PLXND1: variants seen among roughly 807,000 people sequenced by gnomAD.
PLXND1 encodes plexin D1, also known as plexin-D1.
PLXND1 carries 54 observed loss-of-function variants against 197.7 expected under a neutral mutation model. That is an observed-to-expected ratio of 0.27 (90% CI 0.22 to 0.34). The LOEUF is 0.34. Ranked by LOEUF, PLXND1 falls within the 10% of genes least tolerant of loss-of-function variation. PLXND1 has a pLI of 1.00. For synonymous variants in PLXND1, 1,180 were observed against 1,161.2 expected, an observed-to-expected ratio of 1.02 and a Z score of -0.33; for missense variants, 2,127 against 2,699.2, an observed-to-expected ratio of 0.79 and a Z score of 4.70.
chr3:129,578,680 G>A (rs2085347715), intron 8 of PLXND1: 4 of 497,024 alleles, frequency 8.0e-6, no homozygotes, highest in Non-Finnish European at 1.1e-5. Flanking sequence ...GGCATAACCC[G>A]CCCAGTGGTG....
At position 129,557,031 on chromosome 3, in the gene PLXND1, C is replaced by T. The variant is rs2084984567; in HGVS notation, c.5586+52G>A. 1 of 1,599,822 alleles carries T rather than the reference C, an allele frequency of 6.3e-7. No individual in the cohort carries two copies. Among genetic ancestry groups the T allele is most frequent in the East Asian group, 2.2e-5 (1 of 44,828 alleles). On this transcript the variant is annotated intron_variant, in intron 34 of 35. Coordinates refer to ENST00000324093, the MANE Select transcript of PLXND1 (RefSeq NM_015103.3). This position sits in a 1 kb window ranked among gnomAD's most constrained non-coding sequence, Gnocchi z 4.8. ...AGGCATTGAGGCCCAGCCCCCGACC[C>T]CCGATCCCTCAGCTCTTCAGGCCCC...
chr3:129,592,829 G>T (rs983206510), intron 1 of PLXND1, among the ~76,000 whole-genome samples: 1 of 152,216 alleles, frequency 6.6e-6, no homozygotes, highest in African/African-American at 2.4e-5. Context: ...AAGGCAAACC[G>T]GCTCAAACAC....
chr3:129,558,322 A>T lies in PLXND1; in HGVS notation c.5445+106T>A. ...CCTGAGATCTTTTGGTTCCCCTCCC[A>T]GGAAGATCTCTGAGCTCAGCCTCAG... is the stretch of plus-strand genomic sequence containing the variant. On this transcript the variant is annotated intron_variant, in intron 33 of 35. Coordinates refer to ENST00000324093, the MANE Select transcript of PLXND1 (RefSeq NM_015103.3). The surrounding 1 kb of genome is among the most constrained non-coding windows in gnomAD (Gnocchi z 4.1). The T allele has an allele frequency of 8.9e-7, 1 of 1,123,768 alleles. No individual in the cohort carries two copies. Among genetic ancestry groups the T allele is most frequent in the Non-Finnish European group, 1.3e-6 (1 of 785,446 alleles). The allele number at this position is 1,123,768 out of a possible 1,614,324, so 69.6% of individuals were successfully genotyped here. A position where few individuals can be genotyped will look rare whatever the true frequency, so the allele number is the denominator to read the frequency against.
chr3:129,594,093 T>C (rs2085585323), intron 1 of PLXND1, among the ~76,000 whole-genome samples: 1 of 152,238 alleles, frequency 6.6e-6, no homozygotes, highest in African/African-American at 2.4e-5. Context: ...ATGAAAAGGA[T>C]GCGGCATTAA....
chr3:129,597,214 C>T (rs1050700878), intron 1 of PLXND1, among the ~76,000 whole-genome samples: 3 of 152,100 alleles, frequency 2.0e-5, no homozygotes, highest in Non-Finnish European at 4.4e-5. Flanking sequence ...CGCAGGCCTG[C>T]GGGCTCCAGA....
At chr3:129,589,310 T>TGCCCACCC in intron 2 of PLXND1, 41 bp downstream of exon 2, 1 of 501,294 alleles carries the variant, frequency 2.0e-6, no homozygotes, top group Non-Finnish European at 3.8e-6. Context: ...CAGGGGAGCC[T>TGCCCACCC]CCCACCCCCA....
Position 129,561,947 on chromosome 3 carries a change from G to A in PLXND1, c.4826-44C>T, listed in dbSNP as rs761351683. The A allele has an allele frequency of 2.9e-6, 4 of 1,366,034 alleles. No individual in the cohort carries two copies. In the African/African-American group the frequency reaches 5.7e-5, roughly 19 times the overall value. 84.6% of individuals were successfully genotyped at this position (1,366,034 alleles called of 1,614,324 possible). A position where few individuals can be genotyped will look rare whatever the true frequency, so the allele number is the denominator to read the frequency against. On this transcript the variant is annotated intron_variant, in intron 27 of 35. Coordinates refer to ENST00000324093, the MANE Select transcript of PLXND1 (RefSeq NM_015103.3). ...GCCATCAGGGTCCGGGCAGGGAGCT[G>A]GGCCTGAGGGGTAGGTACCGGCCCA... is the stretch of plus-strand genomic sequence containing the variant.
At chr3:129,595,921 G>GTGCACACACACACA (rs1553793029) in intron 1 of PLXND1, among the ~76,000 whole-genome samples, 1 of 146,410 alleles carries the variant, frequency 6.8e-6, no homozygotes, top group Non-Finnish European at 1.5e-5. Context: ...GTGCACGCAC[G>GTGCACACACACACA]CACACACACA....
At chr3:129,560,640 C>T in intron 30 of PLXND1, 49 bp downstream of exon 30, 1 of 1,422,024 alleles carries the variant, frequency 7.0e-7, no homozygotes, top group Non-Finnish European at 9.9e-7. Flanking sequence ...AAGCCAAGGC[C>T]ACACCCACTG....
At chr3:129,569,733 C>T (rs2085195226) in intron 20 of PLXND1, 110 bp downstream of exon 20, 1 of 683,064 alleles carries the variant, frequency 1.5e-6, no homozygotes, top group Admixed American at 2.1e-5. Context: ...AGCCTTTGTT[C>T]AAGCTGTGCC....
In PLXND1 at chr3:129,577,373, C is replaced by G. The variant is rs950168304; in HGVS notation, c.2346+956G>C. Reference sequence around the variant, plus strand: ...CAGGCTCACACCTCCCCATCCCAGGCGCCCACGGCCCAGGGGCAGAGCCAT... The same window carrying G: ...CAGGCTCACACCTCCCCATCCCAGGGGCCCACGGCCCAGGGGCAGAGCCAT... On this transcript the variant is annotated intron_variant, in intron 9 of 35. Coordinates refer to ENST00000324093, the MANE Select transcript of PLXND1 (RefSeq NM_015103.3). This position sits in a 1 kb window ranked among gnomAD's most constrained non-coding sequence, Gnocchi z 5.0. Among the ~76,000 whole-genome samples the G allele has an allele frequency of 6.6e-6, 1 of 152,182 alleles. No individual in the cohort carries two copies. The highest frequency in any genetic ancestry group is 1.5e-5 in the Non-Finnish European group (1 of 68,018).
rs758430943 is a variant in PLXND1, at chr3:129,571,691, G to T, written c.3231C>A (p.Arg1077=). ...QNPVITAISP[R]RSPVSGGRTI... ...GCCAGTCTCACCTGACAGGGCTGCG[G>T]CGGGGACTGATGGCCGTGATGACCG... Residue 1077 remains arginine, a synonymous_variant, in exon 16 of 36, where the codon CGC becomes CGA. Coordinates refer to ENST00000324093, the MANE Select transcript of PLXND1 (RefSeq NM_015103.3). The T allele has an allele frequency of 1.2e-6, 2 of 1,613,966 alleles. No homozygotes were observed. The highest frequency in any genetic ancestry group is 1.7e-6 in the Non-Finnish European group (2 of 1,179,990).
rs777270704 is a variant in PLXND1 at position 129,585,922 on chromosome 3, G to T, written c.1851+30C>A. The T allele has an allele frequency of 3.7e-6, 6 of 1,613,106 alleles. No individual in the cohort carries two copies. In the East Asian group the frequency reaches 1.1e-4, roughly 30 times the overall value. On this transcript the variant is annotated intron_variant, in intron 5 of 35. Coordinates refer to ENST00000324093, the MANE Select transcript of PLXND1 (RefSeq NM_015103.3). ...GTGAAGGGAGGCTCCCCTGTGTCCC[G>T]AGCTGGGTCTTGCCTCCCCCAGGAC...
intron 1 of PLXND1, 55 bp downstream of exon 1, chr3:129,605,274 C>A (rs2085767470): frequency 1.6e-6 from 1 of 630,644 alleles, no homozygotes; most frequent in Middle Eastern, 5.0e-4. Context: ...CGCCCGCCCC[C>A]GCCCCCGCCC....
intron 8 of PLXND1, among the ~76,000 whole-genome samples, chr3:129,580,490 G>A (rs1367210912): frequency 4.6e-5 from 7 of 152,126 alleles, no homozygotes; most frequent in Admixed American, 3.3e-4. Flanking sequence ...CGGCTGGCTG[G>A]GGCCCAGCCT....
At chr3:129,573,571 G>C (rs771364010) in intron 13 of PLXND1, 23 bp downstream of exon 13, 1 of 1,606,572 alleles carries the variant, frequency 6.2e-7, no homozygotes, top group South Asian at 1.1e-5. Context: ...GAGAAGGTAG[G>C]TGGGGGCACC....
rs1389101617 is a variant in PLXND1, at chr3:129,565,449, A to G, written c.4412T>C (p.Ile1471Thr). 7 of 1,613,932 alleles carry G rather than the reference A, an allele frequency of 4.3e-6. No homozygotes were observed. Among genetic ancestry groups the G allele is most frequent in the South Asian group, 2.2e-5 (2 of 91,082 alleles). The part of the protein sequence containing the change: ...SIMKELLVDL[I>T]DASAAKNPKL... ...GGGGTTCTTGGCGGCCGAGGCGTCAATGAGGTCCACCAGCAGCTCCTTCAT... is the reference window on the plus strand; with the variant it reads ...GGGGTTCTTGGCGGCCGAGGCGTCAGTGAGGTCCACCAGCAGCTCCTTCAT... Residue 1471 changes from isoleucine (I) to threonine (T), a missense_variant, in exon 25 of 36, where the codon ATT (isoleucine) becomes ACT (threonine). This residue lies in a region of PLXND1 where 532 missense variants were observed against 811.0 expected (regional missense o/e 0.66). Coordinates refer to ENST00000324093, the MANE Select transcript of PLXND1 (RefSeq NM_015103.3).
chr3:129,605,280 CG>C, intron 1 of PLXND1, 48 bp downstream of exon 1: 1 of 771,518 alleles, frequency 1.3e-6, no homozygotes, highest in Non-Finnish European at 1.8e-6. Context: ...CCCCCGCCCC[CG>C]CCCCCGCCGC....
Position 129,556,709 on chromosome 3 carries a change from G to A in PLXND1, c.5587-18C>T. 1.3e-6 allele frequency: 2 copies of A among 1,547,074 alleles called. No individual in the cohort carries two copies. Among genetic ancestry groups the A allele is most frequent in the South Asian group, 2.2e-5 (2 of 89,334 alleles). On this transcript the variant is annotated intron_variant, in intron 34 of 35. Coordinates refer to ENST00000324093, the MANE Select transcript of PLXND1 (RefSeq NM_015103.3). ...TGGTATTTCTATAAGGAGGCAGGAT[G>A]GGGAGGAGGTTAGCCCAGCGGTCAA...
Sources: allele counts gnomAD v4.1 joint callset (sites outside exome capture counted in the v4.1 genomes callset), GRCh38; gene constraint gnomAD v4.1.1; regional missense constraint gnomAD v4.1.1; non-coding constraint Gnocchi (gnomAD v3.1); transcripts MANE v1.5; gene names NCBI Gene and HGNC (gene_info 2026-07-23, HGNC 2026-07-21).